C15orf39: variants seen among roughly 807,000 people sequenced by gnomAD.
The protein encoded by C15orf39 is uncharacterized protein C15orf39.
C15orf39 carries 24 observed loss-of-function variants against 53.9 expected under a neutral mutation model. That is an observed-to-expected ratio of 0.45 (90% CI 0.32 to 0.63). The LOEUF (loss-of-function observed/expected upper bound fraction) is 0.63. Among genes scored for constraint, C15orf39 ranks in the 20% least tolerant of loss-of-function variants. The pLI, the probability that C15orf39 is intolerant of heterozygous loss-of-function variation, is 0.04. For missense variants in C15orf39, 1,271 were observed against 1,347.9 expected, an observed-to-expected ratio of 0.94 and a Z score of 0.89; for synonymous variants, 569 against 576.5, an observed-to-expected ratio of 0.99 and a Z score of 0.19.
chr15:75,204,715 G>T (rs1440906871), intron 1 of C15orf39, among the ~76,000 whole-genome samples: 1 of 152,118 alleles, frequency 6.6e-6, no homozygotes, highest in East Asian at 1.9e-4. Context: ...TCACCATGTT[G>T]GTCAGGTTGG....
At chr15:75,203,526 A>T (rs908283698) in intron 1 of C15orf39, among the ~76,000 whole-genome samples, 4 of 152,194 alleles carry the variant, frequency 2.6e-5, no homozygotes, top group African/African-American at 9.7e-5. Flanking sequence ...AGATCAGGTC[A>T]TTCCCACACC....
chr15:75,203,533 C>A (rs2070419005), intron 1 of C15orf39, among the ~76,000 whole-genome samples: 1 of 152,204 alleles, frequency 6.6e-6, no homozygotes, highest in South Asian at 2.1e-4. Flanking sequence ...GTCATTCCCA[C>A]ACCCCTAAGA....
upstream of C15orf39, among the ~76,000 whole-genome samples, chr15:75,200,610 T>C (rs879521292): frequency 6.6e-6 from 1 of 152,114 alleles, no homozygotes; most frequent in Non-Finnish European, 1.5e-5. Context: ...GTGTGACCCC[T>C]AGCTGTCCGC....
At chr15:75,208,899 T>A in intron 2 of C15orf39, 75 bp downstream of exon 2, 1 of 1,516,746 alleles carries the variant, frequency 6.6e-7, no homozygotes, top group Non-Finnish European at 8.8e-7. Flanking sequence ...TGTGAGTGCG[T>A]CACAGCTGGG....
Position 75,207,577 on chromosome 15 carries a change from C to A in C15orf39, c.1529C>A (p.Ala510Asp), listed in dbSNP as rs752740561. The A allele has an allele frequency of 6.2e-7, 1 of 1,613,508 alleles. No individual in the cohort carries two copies. ...GTCATTGACAATGTCTTCAGCCTGG[C>A]CCCCTACCGTGACTATCTGGATGTG... Reference protein sequence around the residue: ...MPVIDNVFSLAPYRDYLDVPA... With the variant: ...MPVIDNVFSLDPYRDYLDVPA... The change falls in exon 2 of 3, where the codon GCC becomes GAC. Residue 510 changes from alanine to aspartate, a missense_variant. Physicochemically the swap from Ala to Asp is moderately radical, Grantham distance 126 (BLOSUM62 -2). Coordinates refer to ENST00000394987, the MANE Select transcript of C15orf39 (RefSeq NM_015492.5).
In C15orf39 at chr15:75,206,250, C is replaced by A; in HGVS notation, c.202C>A (p.Pro68Thr). The change falls in exon 2 of 3, where the codon CCA becomes ACA. Residue 68 changes from proline to threonine, a missense_variant. Around this residue, in one of 2 missense-constraint regions of C15orf39, gnomAD observed 994 missense variants for 993.7 expected, o/e 1.00. Coordinates refer to ENST00000394987, the MANE Select transcript of C15orf39 (RefSeq NM_015492.5). ...GTCTGAGCAGTTGGCGTCCTGGACC[C>A]CATACCCACCCTTGTACTCTACCGG... ...AESEQLASWT[P>T]YPPLYSTGMA... The A allele has an allele frequency of 6.2e-7, 1 of 1,614,062 alleles. No individual in the cohort carries two copies. The highest frequency in any genetic ancestry group is 8.5e-7 in the Non-Finnish European group (1 of 1,179,958).
intron 1 of C15orf39, chr15:75,202,496 GGAC>G (rs1196268735): frequency 6.6e-6 from 1 of 152,646 alleles, no homozygotes; most frequent in Non-Finnish European, 1.5e-5. Flanking sequence ...GCGGGGCCCT[GGAC>G]GCGCCCTGCT....
chr15:75,208,814 C>T lies in C15orf39; in HGVS notation c.2766C>T (p.Arg922=). ...GCCTGCAGTGGCGCGACTGTGTACG[C>T]CGCCAGCTGGGTGAGCATGGGGCAG... is the stretch of plus-strand genomic sequence containing the variant. ...LLGLQWRDCV[R]RQLGDFDTEA... Residue 922 remains arginine (R), a synonymous_variant, in exon 2 of 3, where the codon CGC becomes CGT. Transcript: ENST00000394987. 21 of 1,596,384 alleles carry T rather than the reference C, an allele frequency of 1.3e-5. No individual in the cohort carries two copies. Among genetic ancestry groups the T allele is most frequent in the Non-Finnish European group, 1.6e-5 (19 of 1,173,138 alleles).
At chr15:75,205,157 G>A (rs1032043098) in intron 1 of C15orf39, among the ~76,000 whole-genome samples, 2 of 152,228 alleles carry the variant, frequency 1.3e-5, no homozygotes, top group African/African-American at 2.4e-5. Flanking sequence ...CAGGTCAGAG[G>A]AGTGTCACAA....
In C15orf39 at chr15:75,208,709, C is replaced by T. The variant is rs140418540; in HGVS notation, c.2661C>T (p.Leu887=). The T allele has an allele frequency of 2.4e-5, 38 of 1,606,960 alleles. No individual in the cohort carries two copies. The highest frequency in any genetic ancestry group is 3.1e-5 in the Non-Finnish European group (37 of 1,179,558). The part of the protein sequence containing the change: ...TLSEERALRE[L]ALPGCTSRML... ...CGGAGGAGCGGGCACTGCGGGAGCT[C>T]GCCCTGCCAGGCTGCACCTCACGCA... Residue 887 remains leucine, a synonymous_variant, in exon 2 of 3, where the codon CTC becomes CTT. Transcript: ENST00000394987.
chr15:75,206,936 C>G lies in C15orf39; in HGVS notation c.888C>G (p.Gly296=). ...CCTGTCGCCACCCAGAGAAGCAGGGCAGCTACAGCCCAGCACTCCCACTGC... is the reference window on the plus strand; with the variant it reads ...CCTGTCGCCACCCAGAGAAGCAGGGGAGCTACAGCCCAGCACTCCCACTGC... ...PPACRHPEKQ[G]SYSPALPLQP... Residue 296 remains glycine (G), a synonymous_variant, in exon 2 of 3, where the codon GGC becomes GGG. Coordinates refer to ENST00000394987, the MANE Select transcript of C15orf39 (RefSeq NM_015492.5). The G allele has an allele frequency of 6.7e-7, 1 of 1,500,088 alleles. No homozygotes were observed. Among genetic ancestry groups the G allele is most frequent in the Non-Finnish European group, 8.9e-7 (1 of 1,119,416 alleles). The allele number at this position is 1,500,088 out of a possible 1,614,324, so 92.9% of individuals were successfully genotyped here. A position where few individuals can be genotyped will look rare whatever the true frequency, so the allele number is the denominator to read the frequency against.
intron 2 of C15orf39, 35 bp from the exon 3 acceptor site, chr15:75,210,707 AGGGTATG>A: frequency 6.4e-7 from 1 of 1,552,876 alleles, no homozygotes; most frequent in Non-Finnish European, 8.7e-7. Context: ...GTGGGACCTG[AGGGTATG>A]GGGTCTGCAG....
chr15:75,206,783 G>A lies in C15orf39; in HGVS notation c.735G>A (p.Gly245=). The A allele has an allele frequency of 6.2e-7, 1 of 1,610,986 alleles. No individual in the cohort carries two copies. The highest frequency in any genetic ancestry group is 8.5e-7 in the Non-Finnish European group (1 of 1,178,660). Residue 245 remains glycine (G), a synonymous_variant, in exon 2 of 3, where the codon GGG becomes GGA. Coordinates refer to ENST00000394987, the MANE Select transcript of C15orf39 (RefSeq NM_015492.5). ...ACTCCAAGCAAGCAATGTCTGAGGG[G>A]CCCTCAAGTCCTTGGACCCAGCTGG... ...PRNSKQAMSE[G]PSSPWTQLAQ...
rs1156883692 is a variant in C15orf39, at chr15:75,210,729, A to T, written c.2777-20A>T. 4 of 1,587,618 alleles carry T rather than the reference A, an allele frequency of 2.5e-6. No individual in the cohort carries two copies. Among genetic ancestry groups the T allele is most frequent in the African/African-American group, 2.7e-5 (2 of 74,366 alleles). On this transcript the variant is annotated intron_variant, in intron 2 of 2. Coordinates refer to ENST00000394987, the MANE Select transcript of C15orf39 (RefSeq NM_015492.5). ...CTGAGGGTATGGGGTCTGCAGGCTGACTATGTGTTCGTTTTCCAGGTGACT... is the reference window on the plus strand; with the variant it reads ...CTGAGGGTATGGGGTCTGCAGGCTGTCTATGTGTTCGTTTTCCAGGTGACT...
At chr15:75,201,033 C>T (rs916213500), upstream of C15orf39, among the ~76,000 whole-genome samples, 1 of 152,164 alleles carries the variant, frequency 6.6e-6, no homozygotes, top group African/African-American at 2.4e-5. The surrounding 1 kb of genome is among the most constrained non-coding windows in gnomAD (Gnocchi z 4.7). Flanking sequence ...GCATGTCCAC[C>T]TGCCCTCCCC....
upstream of C15orf39, among the ~76,000 whole-genome samples, chr15:75,199,546 C>T (rs1567134605): frequency 6.6e-6 from 1 of 152,236 alleles, no homozygotes; most frequent in Non-Finnish European, 1.5e-5. Flanking sequence ...TTGTAAATAG[C>T]AGGTGTGGCC....
At position 75,206,703 on chromosome 15, in the gene C15orf39, A is replaced by G. The variant is rs762870859; in HGVS notation, c.655A>G (p.Thr219Ala). 1 of 1,613,466 alleles carries G rather than the reference A, an allele frequency of 6.2e-7. No homozygotes were observed. The highest frequency in any genetic ancestry group is 2.2e-5 in the East Asian group (1 of 44,880). Reference protein sequence around the residue: ...PCQPFLEKYQTIHSTGFLASR... With the variant: ...PCQPFLEKYQAIHSTGFLASR... ...CCAGCCCTTCCTGGAGAAATATCAG[A>G]CCATCCACAGCACGGGCTTCCTGGC... The change falls in exon 2 of 3, where the codon ACC (threonine) becomes GCC (alanine). Residue 219 changes from threonine (T) to alanine (A), a missense_variant. By Grantham distance (58) the Thr-to-Ala change is moderately conservative (BLOSUM62 0). Transcript: ENST00000394987.
chr15:75,207,875 C>T lies in C15orf39; in HGVS notation c.1827C>T (p.Gly609=). ...CAGCCATGGATGTGCCAGATGTGGGCAACATGGTGTCAGATCTGCCAGGCC... is the reference window on the plus strand; with the variant it reads ...CAGCCATGGATGTGCCAGATGTGGGTAACATGGTGTCAGATCTGCCAGGCC... ...PTAAMDVPDV[G]NMVSDLPGLK... Residue 609 remains glycine (G), a synonymous_variant, in exon 2 of 3, where the codon GGC becomes GGT. Coordinates refer to ENST00000394987, the MANE Select transcript of C15orf39 (RefSeq NM_015492.5). 6.2e-7 allele frequency: 1 copy of T among 1,613,624 alleles called. No individual in the cohort carries two copies. Among genetic ancestry groups the T allele is most frequent in the Non-Finnish European group, 8.5e-7 (1 of 1,179,986 alleles).
rs1456747017 is a variant in C15orf39 at position 75,206,495 on chromosome 15, A to T, written c.447A>T (p.Gly149=). The change falls in exon 2 of 3, where the codon GGA becomes GGT. Residue 149 remains glycine, a synonymous_variant. Transcript: ENST00000394987. ...GGCTCTCAACTTGTCTGGGGGAAGG[A>T]GCAGTGAAGAGGCCACTGGATGTTG... The part of the protein sequence containing the change: ...CYGLSTCLGE[G]AVKRPLDVDW... 6.2e-7 allele frequency: 1 copy of T among 1,614,016 alleles called. No homozygotes were observed. The highest frequency in any genetic ancestry group is 8.5e-7 in the Non-Finnish European group (1 of 1,179,974).
Sources: gnomAD v4.1 joint callset for allele counts (sites outside exome capture counted in the v4.1 genomes callset) on GRCh38, gnomAD v4.1.1 for gene constraint, gnomAD v4.1.1 regional missense constraint, Gnocchi (gnomAD v3.1) non-coding constraint, MANE v1.5 for transcripts, NCBI Gene and HGNC (gene_info 2026-07-23, HGNC 2026-07-21) for gene names.